The following ACBD6 variants were observed in gnomAD, a reference collection of about 807,000 sequenced individuals.
The protein encoded by ACBD6 is acyl-CoA binding domain containing 6.
Under a neutral mutation model 37.2 loss-of-function variants are expected in ACBD6, and 28 were observed. The ratio of observed to expected loss-of-function variants is 0.75; its 90% CI spans 0.56 to 1.03. ACBD6 has a LOEUF of 1.03. ACBD6 is among the 50% of genes least tolerant of loss of function. ACBD6 has a pLI of 0.00. For synonymous variants in ACBD6, 113 were observed against 126.8 expected, an observed-to-expected ratio of 0.89 and a Z score of 0.73; for missense variants, 340 against 337.4, an observed-to-expected ratio of 1.01 and a Z score of -0.06.
At chr1:180,342,884 A>G (rs1328249017) in intron 6 of ACBD6, among the ~76,000 whole-genome samples, 1 of 152,074 alleles carries the variant, frequency 6.6e-6, no homozygotes, top group African/African-American at 2.4e-5. Flanking sequence ...AACTTATATC[A>G]GCTAATTTTT....
At chr1:180,318,351 T>G (rs888923702) in intron 6 of ACBD6, among the ~76,000 whole-genome samples, 1 of 152,158 alleles carries the variant, frequency 6.6e-6, no homozygotes, top group African/African-American at 2.4e-5. Context: ...ACTTATTTTA[T>G]AGTCCCTATA....
rs139915298 is a variant in ACBD6, at chr1:180,408,300, A to G, written c.573+5066T>C. On this transcript the variant is annotated intron_variant, in intron 5 of 7. Coordinates refer to ENST00000367595, the MANE Select transcript of ACBD6 (RefSeq NM_032360.4). Reference sequence around the variant, plus strand: ...ATTCAATCAGAAAGCTGAAATTAAAAGTTGTGATATCATATACACCATGGA... The same window carrying G: ...ATTCAATCAGAAAGCTGAAATTAAAGGTTGTGATATCATATACACCATGGA... 2.1e-3 allele frequency among the ~76,000 whole-genome samples: 314 copies of G among 152,350 alleles called. 1 individual carries two copies. The highest frequency in any genetic ancestry group is 6.8e-3 in the African/African-American group (284 of 41,574).
At chr1:180,496,366 A>G (rs1215640828) in intron 1 of ACBD6, among the ~76,000 whole-genome samples, 1 of 152,114 alleles carries the variant, frequency 6.6e-6, no homozygotes, top group Non-Finnish European at 1.5e-5. Flanking sequence ...AGTTTTGTGT[A>G]AAGTCTCATC....
intron 6 of ACBD6, among the ~76,000 whole-genome samples, chr1:180,346,823 G>C (rs1652198017): frequency 6.6e-6 from 1 of 152,102 alleles, no homozygotes; most frequent in African/African-American, 2.4e-5. Context: ...AATCACTTGA[G>C]CTTGGGCAAC....
chr1:180,342,821 T>C (rs1471836142), intron 6 of ACBD6, among the ~76,000 whole-genome samples: 4 of 152,032 alleles, frequency 2.6e-5, no homozygotes, highest in Non-Finnish European at 4.4e-5. Context: ...AAAGAATAAA[T>C]GGAATTGAAT....
intron 6 of ACBD6, among the ~76,000 whole-genome samples, chr1:180,328,530 G>C (rs1381052471): frequency 6.6e-6 from 1 of 151,794 alleles, no homozygotes; most frequent in East Asian, 1.9e-4. Flanking sequence ...AAGCTGCATA[G>C]AGGGGCTAGA....
chr1:180,377,597 T>C (rs971328281), intron 6 of ACBD6, among the ~76,000 whole-genome samples: 6 of 152,162 alleles, frequency 3.9e-5, no homozygotes, highest in Admixed American at 2.6e-4. Context: ...AAATCACCAT[T>C]AGGCAAATAC....
At chr1:180,289,038 TAA>T (rs11353397) in intron 7 of ACBD6, among the ~76,000 whole-genome samples, 137 of 102,930 alleles carry the variant, frequency 1.3e-3, no homozygotes, top group East Asian at 3.8e-3. Context: ...CTACAGGAAC[TAA>T]AAAAAAAAAA....
chr1:180,284,271 T>C (rs2149274781), downstream of ACBD6, among the ~76,000 whole-genome samples: 1 of 152,338 alleles, frequency 6.6e-6, no homozygotes, highest in Middle Eastern at 3.4e-3. Flanking sequence ...TTGTGAATGA[T>C]TACTAAAGTA....
intron 6 of ACBD6, among the ~76,000 whole-genome samples, chr1:180,320,118 A>C (rs1651004400): frequency 6.6e-6 from 1 of 152,176 alleles, no homozygotes; most frequent in African/African-American, 2.4e-5. Context: ...TTACATTCCC[A>C]CAACAGTGTA....
chr1:180,274,546 T>C, intron 10 of ACBD6: 2 of 1,595,810 alleles, frequency 1.3e-6, no homozygotes, highest in Admixed American at 1.7e-5. Context: ...GCCCAGGCTC[T>C]TGGCTCGATG....
downstream of ACBD6, among the ~76,000 whole-genome samples, chr1:180,284,347 G>A (rs1315327961): frequency 1.3e-5 from 2 of 151,260 alleles, no homozygotes; most frequent in Admixed American, 6.6e-5. Context: ...ACATGATTAC[G>A]AAAGATGGTA....
chr1:180,364,900 AT>A (rs1652993159), intron 6 of ACBD6, among the ~76,000 whole-genome samples: 1 of 151,874 alleles, frequency 6.6e-6, no homozygotes, highest in Non-Finnish European at 1.5e-5. Flanking sequence ...CGCCTGGCTA[AT>A]TTTCTGTAGT....
At position 180,478,988 on chromosome 1, in the gene ACBD6, G is replaced by A. The variant is rs755585398; in HGVS notation, c.384+13281C>T. Among the ~76,000 whole-genome samples the A allele has an allele frequency of 3.9e-5, 6 of 152,090 alleles. No homozygotes were observed. In the East Asian group the frequency reaches 5.8e-4, roughly 15 times the overall value. On this transcript the variant is annotated intron_variant, in intron 3 of 7. Coordinates refer to ENST00000367595, the MANE Select transcript of ACBD6 (RefSeq NM_032360.4). ...CCAAAGAAAAAGAAAAAGAAAATTC[G>A]CTGGTGTGATGGCACACACCTGTAG...
chr1:180,411,259 T>C (rs1647845932), intron 5 of ACBD6, among the ~76,000 whole-genome samples: 1 of 152,210 alleles, frequency 6.6e-6, no homozygotes, highest in Non-Finnish European at 1.5e-5. Context: ...AACAAAAATT[T>C]TAAAGTACAA....
At chr1:180,302,244 AC>A (rs1295777030) in intron 7 of ACBD6, among the ~76,000 whole-genome samples, 2 of 152,142 alleles carry the variant, frequency 1.3e-5, no homozygotes, top group African/African-American at 2.4e-5. Flanking sequence ...ACTAGTATCT[AC>A]ATATATTTTA....
intron 3 of ACBD6, among the ~76,000 whole-genome samples, chr1:180,489,147 CAG>C (rs1171321975): frequency 6.6e-6 from 1 of 151,710 alleles, no homozygotes; most frequent in Admixed American, 6.6e-5. Context: ...GCCTGGGTGA[CAG>C]AGAGAGACTC....
chr1:180,376,530 G>A (rs1015659794), intron 6 of ACBD6, among the ~76,000 whole-genome samples: 1 of 152,074 alleles, frequency 6.6e-6, no homozygotes, highest in Non-Finnish European at 1.5e-5. Context: ...GTGATATGGA[G>A]TAACTCTAGG....
At chr1:180,307,758 C>G (rs1650437208) in intron 7 of ACBD6, among the ~76,000 whole-genome samples, 1 of 152,156 alleles carries the variant, frequency 6.6e-6, no homozygotes, top group African/African-American at 2.4e-5. Context: ...AGTTTGAGAC[C>G]AGCCTGGTCA....
Sources: gnomAD v4.1 joint callset for allele counts (sites outside exome capture counted in the v4.1 genomes callset) on GRCh38, gnomAD v4.1.1 for gene constraint, MANE v1.5 for transcripts, NCBI Gene and HGNC (gene_info 2026-07-23, HGNC 2026-07-21) for gene names.